SLC35D2: variants seen among roughly 807,000 people sequenced by gnomAD.
SLC35D2 encodes solute carrier family 35 member D2.
In SLC35D2, 43 loss-of-function variants were observed where a neutral mutation model predicts 41.8. The ratio of observed to expected loss-of-function variants is 1.03; its 90% confidence interval spans 0.81 to 1.33. SLC35D2 has a LOEUF of 1.33. Among genes scored for constraint, SLC35D2 ranks in the 40% most tolerant of loss-of-function variants. The pLI is 0.00. For missense variants in SLC35D2, 380 were observed against 408.4 expected, an observed-to-expected ratio of 0.93 and a Z score of 0.60; for synonymous variants, 150 against 163.9, an observed-to-expected ratio of 0.92 and a Z score of 0.65.
At chr9:96,358,935 C>T (rs1830151779) in intron 4 of SLC35D2, among the ~76,000 whole-genome samples, 1 of 151,628 alleles carries the variant, frequency 6.6e-6, no homozygotes, top group African/African-American at 2.4e-5. Flanking sequence ...GAGCCAAGAT[C>T]ACATCACTAC....
At position 96,358,082 on chromosome 9, in the gene SLC35D2, A is replaced by T. The variant is rs1357384736; in HGVS notation, c.347+2072T>A. On this transcript the variant is annotated intron_variant, in intron 4 of 11. Transcript: ENST00000253270. ...GGATAAACAAAATATTATATATTTT[A>T]TATATATATATATATATATATATAT... Among the ~76,000 whole-genome samples the T allele has an allele frequency of 3.7e-4, 20 of 54,006 alleles. No homozygotes were observed. The East Asian group carries it at 0.017, about 47-fold the overall frequency. 35.4% of individuals were successfully genotyped at this position (54,006 alleles called of 152,430 possible).
At chr9:96,380,256 T>C (rs1378684919) in intron 1 of SLC35D2, among the ~76,000 whole-genome samples, 1 of 151,940 alleles carries the variant, frequency 6.6e-6, no homozygotes, top group Non-Finnish European at 1.5e-5. Context: ...AACACTGCCC[T>C]TCATCTTCAA....
At chr9:96,325,229 C>T (rs1246835193) in intron 9 of SLC35D2, among the ~76,000 whole-genome samples, 5 of 152,154 alleles carry the variant, frequency 3.3e-5, no homozygotes, top group South Asian at 2.1e-4. Flanking sequence ...GGTAAAGAAG[C>T]GAGCTAATTC....
rs57775451 is a variant in SLC35D2, at chr9:96,324,549, C to CTTTTTTTTTTTTTTTTTTTTTTTTTTTTT, written c.753-381_753-380insAAAAAAAAAAAAAAAAAAAAAAAAAAAAA. Among the ~76,000 whole-genome samples, 161 of 117,698 alleles carry CTTTTTTTTTTTTTTTTTTTTTTTTTTTTT rather than the reference C, an allele frequency of 1.4e-3. 10 individuals carry two copies. Among genetic ancestry groups the CTTTTTTTTTTTTTTTTTTTTTTTTTTTTT allele is most frequent in the East Asian group, 6.6e-3 (21 of 3,184 alleles). The allele number at this position is 117,698 out of a possible 152,430, so 77.2% of individuals were successfully genotyped here. ...CTGTGCCTCAGAATCGCCTGCTGCA[C>CTTTTTTTTTTTTTTTTTTTTTTTTTTTTT]TTTTTTTTTTTTTTTTTGGTGGGGA... On this transcript the variant is annotated intron_variant, in intron 9 of 11. Transcript: ENST00000253270.
chr9:96,319,210 G>A (rs1332410693), downstream of SLC35D2, among the ~76,000 whole-genome samples: 5 of 152,166 alleles, frequency 3.3e-5, no homozygotes, highest in Non-Finnish European at 5.9e-5. Context: ...GCTACAACAT[G>A]GATGAACCTC....
chr9:96,320,328 A>T (rs549892265), downstream of SLC35D2, among the ~76,000 whole-genome samples: 1 of 152,312 alleles, frequency 6.6e-6, no homozygotes, highest in East Asian at 1.9e-4. Flanking sequence ...AGCCTGGCCA[A>T]CATGAGGCCA....
rs145722599 is a variant in SLC35D2, at chr9:96,336,769, G to A, written c.700C>T (p.Gln234Ter). 1.9e-6 allele frequency: 3 copies of A among 1,578,998 alleles called. No homozygotes were observed. Among genetic ancestry groups the A allele is most frequent in the East Asian group, 2.3e-5 (1 of 44,374 alleles). The part of the protein sequence containing the change: ...GDLQQATEFN[Q>*]WKNVVFILQF... ...AGGATAAACACAACATTCTTCCATT[G>A]GTTGAATTCAGTAGCCTATTATTAA... Residue 234 changes from glutamine to a stop codon, truncating the protein, a stop_gained, in exon 9 of 12, where the codon CAA becomes TAA. Transcript: ENST00000253270. LOFTEE classifies it high-confidence loss of function.
chr9:96,338,714 GA>G (rs1216762747), intron 8 of SLC35D2, among the ~76,000 whole-genome samples: 1 of 152,036 alleles, frequency 6.6e-6, no homozygotes, highest in Non-Finnish European at 1.5e-5. Context: ...ACTTATGAAA[GA>G]AAAATATAAT....
chr9:96,324,020 G>A (rs1564083601), intron 10 of SLC35D2, 71 bp downstream of exon 10: 8 of 1,357,464 alleles, frequency 5.9e-6, no homozygotes, highest in African/African-American at 2.9e-5. Context: ...AATCAAACCC[G>A]GCCTCCCATG....
intron 9 of SLC35D2, among the ~76,000 whole-genome samples, chr9:96,325,512 G>A (rs1390157835): frequency 1.3e-5 from 2 of 152,134 alleles, no homozygotes; most frequent in Non-Finnish European, 2.9e-5. Flanking sequence ...GTGAAACCCT[G>A]TCTCTACTAA....
At position 96,321,039 on chromosome 9, in the gene SLC35D2, G is replaced by A; in HGVS notation, c.*203C>T. ...ATTTTGAAAAGATTTGCTTTCCACA[G>A]GTAAGGTGTCGCCCGAGTACATTTC... On this transcript the variant is annotated 3_prime_UTR_variant, in exon 12 of 12. Transcript: ENST00000253270. The A allele has an allele frequency of 3.9e-6, 2 of 514,418 alleles. No homozygotes were observed. Among genetic ancestry groups the A allele is most frequent in the South Asian group, 5.2e-5 (2 of 38,572 alleles). 31.9% of individuals were successfully genotyped at this position (514,418 alleles called of 1,614,324 possible). A position where few individuals can be genotyped will look rare whatever the true frequency, so the allele number is the denominator to read the frequency against.
chr9:96,329,088 CAAA>C (rs11325875), intron 9 of SLC35D2, among the ~76,000 whole-genome samples: 7 of 95,170 alleles, frequency 7.4e-5, no homozygotes, highest in Admixed American at 2.0e-4. Flanking sequence ...GACTCCATCT[CAAA>C]AAAAAAAAAA....
chr9:96,361,843 C>T (rs1050122246), intron 3 of SLC35D2, among the ~76,000 whole-genome samples: 1 of 152,160 alleles, frequency 6.6e-6, no homozygotes. Flanking sequence ...TCAACCCTGC[C>T]AGCACTTTGG....
chr9:96,337,707 C>T (rs530401344), intron 8 of SLC35D2, among the ~76,000 whole-genome samples: 16 of 151,950 alleles, frequency 1.1e-4, no homozygotes, highest in East Asian at 3.9e-4. Context: ...TTTGGCCGGG[C>T]GCAGTGGCTC....
intron 1 of SLC35D2, among the ~76,000 whole-genome samples, chr9:96,369,481 T>C (rs1210913142): frequency 2.0e-5 from 3 of 152,178 alleles, no homozygotes; most frequent in Non-Finnish European, 4.4e-5. Flanking sequence ...AAGACAATCC[T>C]GAAGATAAAC....
chr9:96,377,795 TTAGA>T (rs1191800283), intron 1 of SLC35D2, among the ~76,000 whole-genome samples: 2 of 152,080 alleles, frequency 1.3e-5, no homozygotes, highest in African/African-American at 4.8e-5. Flanking sequence ...AGGCTAAGAC[TTAGA>T]TAATCAGTCA....
At chr9:96,357,278 G>A (rs1319696454) in intron 4 of SLC35D2, 1 of 152,170 alleles carries the variant, frequency 6.6e-6, no homozygotes, top group Non-Finnish European at 1.5e-5. Context: ...ACAATACAAT[G>A]GAAAAAGAAC....
At chr9:96,371,123 T>C (rs1489477228) in intron 1 of SLC35D2, among the ~76,000 whole-genome samples, 2 of 152,184 alleles carry the variant, frequency 1.3e-5, no homozygotes, top group African/African-American at 2.4e-5. Flanking sequence ...TCCATAACTT[T>C]ATATTGAATT....
chr9:96,350,998 T>G, intron 6 of SLC35D2, 105 bp downstream of exon 6: 5 of 861,290 alleles, frequency 5.8e-6, no homozygotes, highest in South Asian at 1.5e-5. Flanking sequence ...TCTTGCCTGC[T>G]CAATTCAACA....
Sources: gnomAD v4.1 joint callset for allele counts (sites outside exome capture counted in the v4.1 genomes callset) on GRCh38, gnomAD v4.1.1 for gene constraint, MANE v1.5 for transcripts, NCBI Gene and HGNC (gene_info 2026-07-23, HGNC 2026-07-21) for gene names.